Variants in RUNX2 observed in about 807,000 individuals in gnomAD.
The protein encoded by RUNX2 is runt-related transcription factor 2.
In RUNX2, 10 loss-of-function variants were observed where a neutral mutation model predicts 51.7. The observed-to-expected ratio is 0.19, with a 90% CI of 0.12 to 0.33. The LOEUF is 0.33. Among genes scored for constraint, RUNX2 ranks in the 10% least tolerant of loss-of-function variants. The probability of loss-of-function intolerance (pLI) is 1.00; values close to 1 mark genes in which losing one functional copy is unlikely to be tolerated. For synonymous variants in RUNX2, 276 were observed against 273.6 expected (o/e 1.01, Z -0.09); for missense variants, 562 against 691.3 (o/e 0.81, Z 2.10).
Position 45,479,388 on chromosome 6 carries a change from G to T in RUNX2, c.686-12553G>T, listed in dbSNP as rs183078148. Among the ~76,000 whole-genome samples the T allele has an allele frequency of 3.3e-5, 5 of 152,262 alleles. No individual in the cohort carries two copies. In the East Asian group the frequency reaches 5.8e-4, roughly 18 times the overall value. On this transcript the variant is annotated intron_variant, in intron 5 of 8. Transcript: ENST00000647337. ...AAGGTACGTTTCTATTGCAAAGAAA[G>T]GTATGCTTGTGATCAGAAGTGTTTG...
At chr6:45,352,676 T>G (rs1792305842) in intron 2 of RUNX2, among the ~76,000 whole-genome samples, 1 of 152,128 alleles carries the variant, frequency 6.6e-6, no homozygotes, top group South Asian at 2.1e-4. Flanking sequence ...AGTATTCTGT[T>G]TATAAGTAGT....
chr6:45,512,133 C>T, intron 6 of RUNX2, 113 bp from the exon 7 acceptor site: 2 of 892,128 alleles, frequency 2.2e-6, no homozygotes, highest in Non-Finnish European at 3.6e-6. Flanking sequence ...ATATATAAGC[C>T]ATTTTTTTTT....
At chr6:45,525,869 G>A (rs556447557) in intron 7 of RUNX2, among the ~76,000 whole-genome samples, 1 of 152,080 alleles carries the variant, frequency 6.6e-6, no homozygotes, top group South Asian at 2.1e-4. Context: ...GTGCGTGCCT[G>A]TAGTCCCAGC....
chr6:45,514,867 C>T (rs1418820412), intron 7 of RUNX2, among the ~76,000 whole-genome samples: 1 of 152,052 alleles, frequency 6.6e-6, no homozygotes, highest in Non-Finnish European at 1.5e-5. Flanking sequence ...ACATCTAAAC[C>T]CAATGTCTAA....
chr6:45,519,523 A>G (rs1174216409), intron 7 of RUNX2, among the ~76,000 whole-genome samples: 1 of 151,974 alleles, frequency 6.6e-6, no homozygotes, highest in Non-Finnish European at 1.5e-5. Flanking sequence ...AATCCCCTGT[A>G]CACCACCTGT....
chr6:45,485,587 G>A (rs917768329), intron 5 of RUNX2, among the ~76,000 whole-genome samples: 2 of 151,350 alleles, frequency 1.3e-5, no homozygotes, highest in Non-Finnish European at 2.9e-5. Context: ...GAGTTATAAA[G>A]TGGTTTGAAG....
chr6:45,367,135 T>C (rs1381914585), intron 2 of RUNX2, among the ~76,000 whole-genome samples: 2 of 152,014 alleles, frequency 1.3e-5, no homozygotes, highest in African/African-American at 4.8e-5. Context: ...AGGACACAGA[T>C]CTAAGGCAAG....
intron 5 of RUNX2, among the ~76,000 whole-genome samples, chr6:45,450,092 A>G (rs960334608): frequency 1.3e-5 from 2 of 152,210 alleles, no homozygotes; most frequent in Non-Finnish European, 2.9e-5. Context: ...ATGCTACAGA[A>G]TGGCATGACC....
At chr6:45,515,606 A>AAAGCCCG (rs1363797007) in intron 7 of RUNX2, among the ~76,000 whole-genome samples, 3 of 152,226 alleles carry the variant, frequency 2.0e-5, no homozygotes, top group East Asian at 3.8e-4. Context: ...TATTTAAAAC[A>AAAGCCCG]AAGCCCTTAG....
intron 2 of RUNX2, among the ~76,000 whole-genome samples, chr6:45,393,607 T>C (rs1797521156): frequency 6.6e-6 from 1 of 152,022 alleles, no homozygotes; most frequent in African/African-American, 2.4e-5. Context: ...TTTTCGTATT[T>C]TTAGTAGAGA....
At chr6:45,519,776 A>T (rs1055729396) in intron 7 of RUNX2, among the ~76,000 whole-genome samples, 2 of 119,736 alleles carry the variant, frequency 1.7e-5, no homozygotes, top group Admixed American at 8.2e-5. Flanking sequence ...GGATGCTATT[A>T]TATATATATA....
At chr6:45,446,501 CTT>C (rs398065760) in intron 5 of RUNX2, among the ~76,000 whole-genome samples, 7 of 140,032 alleles carry the variant, frequency 5.0e-5, no homozygotes, top group Non-Finnish European at 7.8e-5. Context: ...TTTTGTCTCT[CTT>C]TTTTTTTTTT....
chr6:45,346,747 A>G (rs925834726), intron 2 of RUNX2, among the ~76,000 whole-genome samples: 54 of 152,004 alleles, frequency 3.6e-4, no homozygotes, highest in African/African-American at 1.3e-3. Flanking sequence ...ATATTTTTTT[A>G]GTAGAGACCC....
intron 5 of RUNX2, among the ~76,000 whole-genome samples, chr6:45,453,645 C>T (rs1053914829): frequency 2.0e-5 from 3 of 152,142 alleles, no homozygotes; most frequent in African/African-American, 7.2e-5. Context: ...CATGATAATG[C>T]CTAAAGCACA....
At chr6:45,532,854 GACT>G (rs1801905008) in intron 7 of RUNX2, among the ~76,000 whole-genome samples, 2 of 151,476 alleles carry the variant, frequency 1.3e-5, no homozygotes, top group African/African-American at 4.9e-5. Flanking sequence ...GCTACTACTG[GACT>G]ACTGTGTGTT....
chr6:45,429,684 T>C (rs1364547801), intron 3 of RUNX2, among the ~76,000 whole-genome samples: 2 of 152,226 alleles, frequency 1.3e-5, no homozygotes, highest in Admixed American at 1.3e-4. Context: ...ACATTGCTGT[T>C]AGCAAGGGGT....
chr6:45,515,170 T>G lies in RUNX2; in HGVS notation c.1021+2763T>G, dbSNP rs147605982. On this transcript the variant is annotated intron_variant, in intron 7 of 8. Coordinates refer to ENST00000647337, the MANE Select transcript of RUNX2 (RefSeq NM_001024630.4). ...GTGCATTGATCAATTTTCATCTCCA[T>G]ATCTAAAGGGATACACAAAATATTC... Among the ~76,000 whole-genome samples, 841 of 152,318 alleles carry G rather than the reference T, an allele frequency of 5.5e-3. 8 individuals carry two copies. Among genetic ancestry groups the G allele is most frequent in the African/African-American group, 0.018 (767 of 41,570 alleles).
At chr6:45,452,845 A>C (rs767922118) in intron 5 of RUNX2, among the ~76,000 whole-genome samples, 7 of 152,210 alleles carry the variant, frequency 4.6e-5, no homozygotes, top group African/African-American at 7.2e-5. Context: ...GAAAGGAAAA[A>C]TACTCAGAAA....
chr6:45,359,434 T>A (rs1053234927), intron 2 of RUNX2, among the ~76,000 whole-genome samples: 1 of 152,170 alleles, frequency 6.6e-6, no homozygotes, highest in Non-Finnish European at 1.5e-5. Context: ...TATCTTAAAA[T>A]ATCCCAAACA....
Sources: gnomAD v4.1 joint callset for allele counts (sites outside exome capture counted in the v4.1 genomes callset) on GRCh38, gnomAD v4.1.1 for gene constraint, MANE v1.5 for transcripts, NCBI Gene and HGNC (gene_info 2026-07-23, HGNC 2026-07-21) for gene names.